RHOBTB1: variants seen among roughly 807,000 people sequenced by gnomAD.
RHOBTB1 encodes the protein Rho related BTB domain containing 1, also known as rho-related BTB domain-containing protein 1.
Under a neutral mutation model 71.6 loss-of-function variants are expected in RHOBTB1, and 40 were observed. The observed-to-expected ratio is 0.56, with a 90% CI of 0.43 to 0.73. The LOEUF (loss-of-function observed/expected upper bound fraction) is 0.73. RHOBTB1 is among the 30% of genes least tolerant of loss of function. The probability of loss-of-function intolerance (pLI) is 0.00; values close to 1 mark genes in which losing one functional copy is unlikely to be tolerated. For synonymous variants in RHOBTB1, 319 were observed against 334.9 expected, an observed-to-expected ratio of 0.95 and a Z score of 0.52; for missense variants, 797 against 894.0, an observed-to-expected ratio of 0.89 and a Z score of 1.38.
downstream of RHOBTB1, among the ~76,000 whole-genome samples, chr10:60,865,646 A>G (rs1313723645): frequency 6.6e-6 from 1 of 152,168 alleles, no homozygotes; most frequent in Admixed American, 6.5e-5. Context: ...AGCTAAACCT[A>G]GTTTCTCTTC....
chr10:60,943,731 T>G (rs2085055968), intron 1 of RHOBTB1, among the ~76,000 whole-genome samples: 1 of 152,038 alleles, frequency 6.6e-6, no homozygotes, highest in Admixed American at 6.5e-5. Flanking sequence ...GGTGCGGCTG[T>G]GCGGGCGCTC....
intron 2 of RHOBTB1, among the ~76,000 whole-genome samples, chr10:60,929,281 T>C (rs1436325043): frequency 6.6e-6 from 1 of 152,064 alleles, no homozygotes; most frequent in Non-Finnish European, 1.5e-5. Flanking sequence ...CATAAATATG[T>C]ACAACTAACA....
In RHOBTB1 at chr10:60,910,923, C is replaced by G. The variant is rs1411448254; in HGVS notation, c.260G>C (p.Gly87Ala). The G allele has an allele frequency of 6.2e-7, 1 of 1,614,022 alleles. No homozygotes were observed. Among genetic ancestry groups the G allele is most frequent in the Non-Finnish European group, 8.5e-7 (1 of 1,179,988 alleles). Reference sequence around the variant, plus strand: ...AAAGCGTCTGTCTTTGTGATGATCACCAAAAGTATCCCAAAGCCTGAGAGA... The same window carrying G: ...AAAGCGTCTGTCTTTGTGATGATCAGCAAAAGTATCCCAAAGCCTGAGAGA... The part of the protein sequence containing the change: ...SVSLRLWDTF[G>A]DHHKDRRFAY... The change falls in exon 4 of 11, where the codon GGT (glycine) becomes GCT (alanine). Residue 87 changes from glycine (G) to alanine (A), a missense_variant. Gly to Ala is a moderately conservative substitution (Grantham distance 60). Transcript: ENST00000337910.
chr10:60,982,793 G>T (rs192457090), intron 2 of RHOBTB1, among the ~76,000 whole-genome samples: 158 of 152,192 alleles, frequency 1.0e-3, no homozygotes, highest in African/African-American at 3.6e-3. Context: ...TAAGTTACAG[G>T]GCTAGAATGC....
At chr10:60,962,590 A>G (rs972675939) in intron 2 of RHOBTB1, among the ~76,000 whole-genome samples, 1 of 152,134 alleles carries the variant, frequency 6.6e-6, no homozygotes, top group Non-Finnish European at 1.5e-5. Context: ...TTTTTTCTGT[A>G]TAAAATAATT....
upstream of RHOBTB1, among the ~76,000 whole-genome samples, chr10:60,948,284 AT>A (rs2085301660): frequency 6.6e-6 from 1 of 152,224 alleles, no homozygotes; most frequent in South Asian, 2.1e-4. Flanking sequence ...ACTCAAATAT[AT>A]TGTTCAACAT....
chr10:60,866,039 C>A (rs562769747), downstream of RHOBTB1, among the ~76,000 whole-genome samples: 8 of 152,254 alleles, frequency 5.3e-5, no homozygotes, highest in African/African-American at 1.9e-4. Flanking sequence ...ACCATGTTGG[C>A]CAGGCTGGTC....
chr10:60,972,959 T>C (rs143138135), intron 2 of RHOBTB1, among the ~76,000 whole-genome samples: 1 of 152,204 alleles, frequency 6.6e-6, no homozygotes, highest in East Asian at 1.9e-4. Context: ...AAAGCAAGAA[T>C]GATTTTAGTT....
intron 1 of RHOBTB1, among the ~76,000 whole-genome samples, chr10:60,993,028 C>A (rs1246647929): frequency 6.6e-6 from 1 of 152,094 alleles, no homozygotes; most frequent in Non-Finnish European, 1.5e-5. Context: ...TAGGTGCATG[C>A]CTCTTTAAGA....
At chr10:60,921,508 G>A (rs1229019036) in intron 2 of RHOBTB1, among the ~76,000 whole-genome samples, 2 of 152,178 alleles carry the variant, frequency 1.3e-5, no homozygotes, top group Non-Finnish European at 2.9e-5. Flanking sequence ...ATTCTGATTT[G>A]TAATACTGAT....
intron 2 of RHOBTB1, among the ~76,000 whole-genome samples, chr10:60,928,715 C>T (rs1287713202): frequency 1.3e-5 from 2 of 151,436 alleles, no homozygotes; most frequent in African/African-American, 4.9e-5. Context: ...TTTGGTAGCA[C>T]AATGGGGCAA....
At chr10:60,993,094 G>C (rs976875311) in intron 1 of RHOBTB1, among the ~76,000 whole-genome samples, 1 of 152,050 alleles carries the variant, frequency 6.6e-6, no homozygotes, top group Non-Finnish European at 1.5e-5. Flanking sequence ...GGAAATGGTG[G>C]AATGATGGAG....
At chr10:60,862,317 C>T in the RHOBTB1 span, among the ~76,000 whole-genome samples, 1 of 152,204 alleles carries the variant, frequency 6.6e-6, no homozygotes, top group South Asian at 2.1e-4. Context: ...CCCACCTCAG[C>T]CTCTCTAGTA....
chr10:60,983,811 T>C (rs1239040475), intron 2 of RHOBTB1, among the ~76,000 whole-genome samples: 2 of 152,218 alleles, frequency 1.3e-5, no homozygotes, highest in Admixed American at 1.3e-4. Flanking sequence ...CTACACAGCA[T>C]GGACCCTGCA....
At chr10:60,939,530 A>T (rs1344692553) in intron 2 of RHOBTB1, among the ~76,000 whole-genome samples, 1 of 151,250 alleles carries the variant, frequency 6.6e-6, no homozygotes, top group Non-Finnish European at 1.5e-5. Flanking sequence ...CCCATCTCCT[A>T]CCCTTGTCTA....
At chr10:60,868,234 A>C (rs1476310112), downstream of RHOBTB1, among the ~76,000 whole-genome samples, 1 of 152,118 alleles carries the variant, frequency 6.6e-6, no homozygotes, top group Non-Finnish European at 1.5e-5. Context: ...TTGCCCTCTA[A>C]CATCCAACTA....
intron 4 of RHOBTB1, among the ~76,000 whole-genome samples, chr10:60,907,512 G>A (rs1051401940): frequency 6.6e-6 from 1 of 152,118 alleles, no homozygotes; most frequent in Admixed American, 6.6e-5. Context: ...AGTAGGTGGT[G>A]GAAAAAAGGC....
rs1317404973 is a variant in RHOBTB1, at chr10:60,875,039, T to A, written c.1730A>T (p.Gln577Leu). 12 of 1,612,670 alleles carry A rather than the reference T, an allele frequency of 7.4e-6. No individual in the cohort carries two copies. The highest frequency in any genetic ancestry group is 1.0e-5 in the Non-Finnish European group (12 of 1,178,822). ...TTTGGTCAACTCCTGAACGGCATGC[T>A]GTTCTGGGGAAGAGAGAGGGGGCAG... ...CLPHLVALAE[Q>L]HAVQELTKAA... is the part of the protein sequence containing the mutation. The change falls in exon 9 of 11, where the codon CAG becomes CTG. Residue 577 changes from glutamine (Q) to leucine (L), a missense_variant. By Grantham distance (113) the Gln-to-Leu change is moderately radical. This residue lies in a region of RHOBTB1 where 658 missense variants were observed against 681.5 expected (regional missense o/e 0.97). Transcript: ENST00000337910.
At chr10:60,886,637 A>G (rs1265602012) in intron 6 of RHOBTB1, among the ~76,000 whole-genome samples, 1 of 151,358 alleles carries the variant, frequency 6.6e-6, no homozygotes, top group African/African-American at 2.4e-5. Context: ...TTAATACTCA[A>G]TTAAACCTTA....
Sources: allele counts gnomAD v4.1 joint callset (sites outside exome capture counted in the v4.1 genomes callset), GRCh38; gene constraint gnomAD v4.1.1; regional missense constraint gnomAD v4.1.1; transcripts MANE v1.5; gene names NCBI Gene and HGNC (gene_info 2026-07-23, HGNC 2026-07-21).